MAGI2: variants seen among roughly 807,000 people sequenced by gnomAD.
MAGI2 encodes the protein membrane-associated guanylate kinase, WW and PDZ domain-containing protein 2.
Under a neutral mutation model 133.3 loss-of-function variants are expected in MAGI2, and 35 were observed. The ratio of observed to expected loss-of-function variants is 0.26; its 90% confidence interval spans 0.20 to 0.35. The LOEUF (loss-of-function observed/expected upper bound fraction) is 0.35. MAGI2 is among the 10% of genes least tolerant of loss of function. MAGI2 has a pLI of 1.00. For missense variants in MAGI2, 1,636 were observed against 1,863.4 expected, an observed-to-expected ratio of 0.88 and a Z score of 2.25; for synonymous variants, 729 against 710.6, an observed-to-expected ratio of 1.03 and a Z score of -0.41.
intron 1 of MAGI2, among the ~76,000 whole-genome samples, chr7:79,260,918 G>T (rs1834042035): frequency 6.6e-6 from 1 of 152,104 alleles, no homozygotes; most frequent in Non-Finnish European, 1.5e-5. Context: ...ACTGAATGGG[G>T]GTGTTCACTA....
intron 2 of MAGI2, among the ~76,000 whole-genome samples, chr7:78,705,749 G>T (rs574134260): frequency 6.6e-6 from 1 of 152,186 alleles, no homozygotes; most frequent in East Asian, 1.9e-4. Flanking sequence ...TTTTTCCTAT[G>T]AAAAAATAGC....
At chr7:78,520,231 C>CA (rs1336000019) in intron 4 of MAGI2, among the ~76,000 whole-genome samples, 1 of 152,012 alleles carries the variant, frequency 6.6e-6, no homozygotes, top group Non-Finnish European at 1.5e-5. Flanking sequence ...AGCACAAATT[C>CA]GATTTTTGGT....
intron 3 of MAGI2, among the ~76,000 whole-genome samples, chr7:78,600,937 T>G (rs569999355): frequency 1.3e-5 from 2 of 152,326 alleles, no homozygotes; most frequent in Admixed American, 6.5e-5. Flanking sequence ...TGTGGGTTGG[T>G]GACAGGTGTA....
chr7:78,839,014 C>T (rs1275945824), intron 2 of MAGI2, among the ~76,000 whole-genome samples: 1 of 151,238 alleles, frequency 6.6e-6, no homozygotes, highest in African/African-American at 2.4e-5. Flanking sequence ...TCTTTTTGTA[C>T]AAAGTTGTGA....
At chr7:78,878,573 C>T (rs1450293964) in intron 2 of MAGI2, among the ~76,000 whole-genome samples, 1 of 152,108 alleles carries the variant, frequency 6.6e-6, no homozygotes, top group East Asian at 1.9e-4. Context: ...AAATCACATG[C>T]CAATATTTCG....
intron 9 of MAGI2, among the ~76,000 whole-genome samples, chr7:78,293,200 A>C (rs922971894): frequency 1.8e-4 from 27 of 152,246 alleles, no homozygotes; most frequent in Admixed American, 3.9e-4. Context: ...CAAAGGCCTA[A>C]TATCCAGAAT....
intron 1 of MAGI2, among the ~76,000 whole-genome samples, chr7:79,282,648 T>C (rs1046290644): frequency 6.6e-6 from 1 of 152,130 alleles, no homozygotes; most frequent in African/African-American, 2.4e-5. Context: ...GAACCCTTAC[T>C]GTGCTCATTA....
At chr7:79,035,834 C>A (rs900791428) in intron 1 of MAGI2, among the ~76,000 whole-genome samples, 2 of 152,144 alleles carry the variant, frequency 1.3e-5, no homozygotes, top group Admixed American at 6.5e-5. Context: ...ATTATAGAAA[C>A]CCAATTCACA....
At chr7:78,582,633 A>G (rs551487218) in intron 3 of MAGI2, among the ~76,000 whole-genome samples, 3 of 152,350 alleles carry the variant, frequency 2.0e-5, no homozygotes, top group East Asian at 1.9e-4. Flanking sequence ...ACAGCTACCT[A>G]CCAGAAGCAC....
At chr7:79,286,083 A>G (rs1835976483) in intron 1 of MAGI2, among the ~76,000 whole-genome samples, 1 of 152,012 alleles carries the variant, frequency 6.6e-6, no homozygotes, top group Non-Finnish European at 1.5e-5. Flanking sequence ...TCCTGGAATG[A>G]GGGGAAGAAG....
rs567160640 is a variant in MAGI2 at position 78,176,717 on chromosome 7, A to T, written c.2403+1294T>A. The stretch of plus-strand genomic sequence containing the variant: ...ATTTTCTGGGGCCAGGCATGGTGGC[A>T]CATGCCTGTAGTCCCAGCTACTCAG... On this transcript the variant is annotated intron_variant, in intron 14 of 21. Transcript: ENST00000354212. 6.2e-3 allele frequency among the ~76,000 whole-genome samples: 948 copies of T among 152,082 alleles called. 3 individuals carry two copies. Among genetic ancestry groups the T allele is most frequent in the Non-Finnish European group, 0.011 (742 of 67,982 alleles).
chr7:79,097,632 G>A (rs2129542974), intron 1 of MAGI2, among the ~76,000 whole-genome samples: 1 of 152,312 alleles, frequency 6.6e-6, no homozygotes, highest in South Asian at 2.1e-4. Context: ...TGAAAGGGCT[G>A]TGGTGAAGGC....
At chr7:78,168,469 T>C (rs1825826935) in intron 14 of MAGI2, among the ~76,000 whole-genome samples, 1 of 152,184 alleles carries the variant, frequency 6.6e-6, no homozygotes, top group Non-Finnish European at 1.5e-5. Context: ...GACACCTGCT[T>C]TCTGGCTCAT....
At chr7:78,502,313 G>T (rs1794696803) in intron 4 of MAGI2, among the ~76,000 whole-genome samples, 1 of 152,176 alleles carries the variant, frequency 6.6e-6, no homozygotes, top group Non-Finnish European at 1.5e-5. Context: ...TCAAAGAGAT[G>T]CAATGTTGCT....
chr7:78,156,707 G>T (rs937643318), intron 16 of MAGI2, among the ~76,000 whole-genome samples: 20 of 151,634 alleles, frequency 1.3e-4, no homozygotes, highest in African/African-American at 4.4e-4. Context: ...GATGATTGTA[G>T]CACCTGGGCT....
intron 1 of MAGI2, among the ~76,000 whole-genome samples, chr7:79,297,593 C>T (rs1331573411): frequency 3.9e-5 from 6 of 152,184 alleles, no homozygotes; most frequent in South Asian, 2.1e-4. Flanking sequence ...AACAGAATCA[C>T]GAATCAAAAG....
At chr7:78,389,374 T>C (rs1224464352) in intron 6 of MAGI2, among the ~76,000 whole-genome samples, 1 of 152,184 alleles carries the variant, frequency 6.6e-6, no homozygotes, top group Non-Finnish European at 1.5e-5. Flanking sequence ...TTCTGAAGAA[T>C]ATATTATGAC....
chr7:78,300,118 CACAG>C (rs1797703675), intron 9 of MAGI2, among the ~76,000 whole-genome samples: 1 of 152,090 alleles, frequency 6.6e-6, no homozygotes, highest in Non-Finnish European at 1.5e-5. Context: ...CCACAAAAAT[CACAG>C]ACATTTTTAT....
At chr7:78,536,102 A>ATTTTTTTTTTTTTTTTTTTTTTTTT (rs1421947064) in intron 3 of MAGI2, among the ~76,000 whole-genome samples, 1 of 89,546 alleles carries the variant, frequency 1.1e-5, no homozygotes, top group Non-Finnish European at 2.2e-5. Context: ...TATGAATTAA[A>ATTTTTTTTTTTTTTTTTTTTTTTTT]CTTTTTTTTT....
Sources: gnomAD v4.1 joint callset for allele counts (sites outside exome capture counted in the v4.1 genomes callset) on GRCh38, gnomAD v4.1.1 for gene constraint, MANE v1.5 for transcripts, NCBI Gene and HGNC (gene_info 2026-07-23, HGNC 2026-07-21) for gene names.